ITGA6: variants seen among roughly 807,000 people sequenced by gnomAD.
ITGA6 encodes integrin alpha-6.
In ITGA6, 63 loss-of-function variants were observed where a neutral mutation model predicts 133.6. That is an observed-to-expected ratio of 0.47 (90% CI 0.38 to 0.58). The LOEUF is 0.58. ITGA6 is among the 20% of genes least tolerant of loss of function. The probability of loss-of-function intolerance (pLI) is 0.00; values close to 1 mark genes in which losing one functional copy is unlikely to be tolerated. For missense variants in ITGA6, 1,068 were observed against 1,309.4 expected, an observed-to-expected ratio of 0.82 and a Z score of 2.85; for synonymous variants, 434 against 482.0, an observed-to-expected ratio of 0.90 and a Z score of 1.30.
intron 1 of ITGA6, among the ~76,000 whole-genome samples, chr2:172,450,822 A>G (rs1684956567): frequency 6.8e-6 from 1 of 146,642 alleles, no homozygotes; most frequent in Non-Finnish European, 1.5e-5. Flanking sequence ...ATGTATGTGT[A>G]TATATATATA....
intron 1 of ITGA6, among the ~76,000 whole-genome samples, chr2:172,453,461 G>A (rs574090935): frequency 6.6e-5 from 10 of 152,300 alleles, no homozygotes; most frequent in Admixed American, 3.9e-4. Flanking sequence ...GGAGGTGGTT[G>A]CAGTGAGCCA....
At chr2:172,479,424 G>A (rs557451570) in intron 9 of ITGA6, among the ~76,000 whole-genome samples, 62 of 152,286 alleles carry the variant, frequency 4.1e-4, no homozygotes, top group African/African-American at 1.3e-3. Flanking sequence ...AAGTGTGTAC[G>A]TTTTTAAACA....
At chr2:172,501,708 G>A in intron 24 of ITGA6, 64 bp from the exon 25 acceptor site, 1 of 1,543,792 alleles carries the variant, frequency 6.5e-7, no homozygotes, top group Non-Finnish European at 8.9e-7. Flanking sequence ...AATTTGAGAT[G>A]TTCTGTTGTT....
At chr2:172,477,030 G>C (rs1686204022) in intron 9 of ITGA6, among the ~76,000 whole-genome samples, 1 of 152,150 alleles carries the variant, frequency 6.6e-6, no homozygotes, top group Non-Finnish European at 1.5e-5. Context: ...CTGTCTGTGA[G>C]GCATCTTCTG....
chr2:172,503,844 G>T (rs977268676), intron 25 of ITGA6: 2 of 288,380 alleles, frequency 6.9e-6, no homozygotes, highest in Non-Finnish European at 1.3e-5. Context: ...GCCTACATTT[G>T]TTATAAAATG....
Position 172,491,507 on chromosome 2 carries a change from C to G in ITGA6, c.2972C>G (p.Pro991Arg). ...GCTGCTGCCGAAAATATCAGGCTGCCAAATGCAGGCACTCAGGTGAGAGGT... is the reference window on the plus strand; with the variant it reads ...GCTGCTGCCGAAAATATCAGGCTGCGAAATGCAGGCACTCAGGTGAGAGGT... Reference protein sequence around the residue: ...VTAAAENIRLPNAGTQVRVTV... With the variant: ...VTAAAENIRLRNAGTQVRVTV... Residue 991 changes from proline (P) to arginine (R), a missense_variant, in exon 23 of 26, where the codon CCA becomes CGA. By Grantham distance (103) the Pro-to-Arg change is moderately radical (BLOSUM62 -2). Coordinates refer to ENST00000684293, the MANE Select transcript of ITGA6 (RefSeq NM_000210.4). The surrounding 1 kb of genome is among the most constrained non-coding windows in gnomAD (Gnocchi z 4.4). 1 of 1,611,658 alleles carries G rather than the reference C, an allele frequency of 6.2e-7. No homozygotes were observed. The highest frequency in any genetic ancestry group is 8.5e-7 in the Non-Finnish European group (1 of 1,178,234).
Position 172,479,998 on chromosome 2 carries a change from T to C in ITGA6, c.1496T>C (p.Val499Ala), listed in dbSNP as rs1686361558. 2 of 1,593,046 alleles carry C rather than the reference T, an allele frequency of 1.3e-6. No individual in the cohort carries two copies. The highest frequency in any genetic ancestry group is 1.3e-5 in the African/African-American group (1 of 74,582). ...CGAPSGICLQ[V>A]KSCFEYTANP... Reference sequence around the variant, plus strand: ...TGTTTGATTTTATTCAGCCTCCAGGTTAAATCCTGTTTTGAATATACTGCT... The same window carrying C: ...TGTTTGATTTTATTCAGCCTCCAGGCTAAATCCTGTTTTGAATATACTGCT... The change falls in exon 11 of 26, where the codon GTT becomes GCT. Residue 499 changes from valine to alanine, a missense_variant. Val to Ala is a moderately conservative substitution (Grantham distance 64). Transcript: ENST00000684293.
At chr2:172,479,965 G>GA in intron 10 of ITGA6, 25 bp from the exon 11 acceptor site, 1 of 1,517,664 alleles carries the variant, frequency 6.6e-7, no homozygotes. Context: ...GATCTTTTAA[G>GA]AAATATGTGT....
intron 1 of ITGA6, among the ~76,000 whole-genome samples, chr2:172,458,642 G>A (rs149155704): frequency 2.0e-5 from 3 of 152,222 alleles, no homozygotes; most frequent in African/African-American, 7.2e-5. Context: ...TCCTGCTCAG[G>A]GTGAGAGCGA....
intron 1 of ITGA6, among the ~76,000 whole-genome samples, chr2:172,448,658 A>G (rs904716783): frequency 6.6e-6 from 1 of 152,174 alleles, no homozygotes; most frequent in Non-Finnish European, 1.5e-5. Context: ...TTGAATGTGG[A>G]GTTGTAGTTT....
intron 1 of ITGA6, among the ~76,000 whole-genome samples, chr2:172,445,397 C>T (rs1684721533): frequency 6.8e-6 from 1 of 147,578 alleles, no homozygotes; most frequent in African/African-American, 2.5e-5. Context: ...CGCCTGTAAT[C>T]CCAGCACTTT....
At chr2:172,473,775 C>T (rs1386044820) in intron 5 of ITGA6, among the ~76,000 whole-genome samples, 1 of 152,164 alleles carries the variant, frequency 6.6e-6, no homozygotes, top group Non-Finnish European at 1.5e-5. Context: ...GAAATTGATT[C>T]TTAAGATGTA....
intron 1 of ITGA6, among the ~76,000 whole-genome samples, chr2:172,460,850 G>A (rs1213773195): frequency 6.6e-6 from 1 of 152,136 alleles, no homozygotes; most frequent in East Asian, 1.9e-4. Context: ...TTCTAATGGT[G>A]CAATATTTCA....
chr2:172,483,049 G>C (rs1686518416), intron 11 of ITGA6, among the ~76,000 whole-genome samples: 1 of 152,166 alleles, frequency 6.6e-6, no homozygotes, highest in Admixed American at 6.5e-5. Context: ...AAATCACAGC[G>C]TAGTGGGCTT....
intron 1 of ITGA6, among the ~76,000 whole-genome samples, chr2:172,433,874 G>A (rs531403569): frequency 3.9e-5 from 6 of 152,212 alleles, no homozygotes; most frequent in Non-Finnish European, 8.8e-5. Flanking sequence ...GTTCAGAGAT[G>A]AGTGGACAGA....
chr2:172,432,806 G>T (rs115714894), intron 1 of ITGA6, among the ~76,000 whole-genome samples: 2,686 of 152,284 alleles, frequency 0.018, 86 homozygotes, highest in African/African-American at 0.059. Flanking sequence ...GTGGTTGGTT[G>T]TTATGAGGCT....
At position 172,474,151 on chromosome 2, in the gene ITGA6, T is replaced by C; in HGVS notation, c.872T>C (p.Leu291Ser). 6.2e-7 allele frequency: 1 copy of C among 1,614,150 alleles called. No homozygotes were observed. The highest frequency in any genetic ancestry group is 8.5e-7 in the Non-Finnish European group (1 of 1,180,020). ...PRANHSGAVV[L>S]LKRDMKSAHL... ...GCCAATCACAGTGGAGCCGTGGTTT[T>C]GCTGAAGAGAGACATGAAGTCTGCA... The change falls in exon 6 of 26, where the codon TTG becomes TCG. Residue 291 changes from leucine to serine, a missense_variant. By Grantham distance (145) the Leu-to-Ser change is moderately radical (BLOSUM62 -2). Transcript: ENST00000684293.
intron 2 of ITGA6, 170 bp downstream of exon 2, chr2:172,465,833 GAA>G: frequency 1.0e-6 from 1 of 955,022 alleles, no homozygotes; most frequent in Non-Finnish European, 1.6e-6. Flanking sequence ...CTTTACTTCT[GAA>G]TCATACTGGG....
intron 24 of ITGA6, 151 bp from the exon 25 acceptor site, chr2:172,501,621 C>T: frequency 1.5e-6 from 1 of 672,452 alleles, no homozygotes; most frequent in Non-Finnish European, 2.7e-6. Flanking sequence ...GACAATGAAA[C>T]AATGCAGTGG....
Sources: gnomAD v4.1 joint callset for allele counts (sites outside exome capture counted in the v4.1 genomes callset) on GRCh38, gnomAD v4.1.1 for gene constraint, Gnocchi (gnomAD v3.1) non-coding constraint, MANE v1.5 for transcripts, NCBI Gene and HGNC (gene_info 2026-07-23, HGNC 2026-07-21) for gene names.